The following MKRN2OS variants were observed in gnomAD, a reference collection of about 807,000 sequenced individuals.
MKRN2OS encodes the protein MKRN2 opposite strand protein.
A neutral mutation model predicts 18.2 loss-of-function variants in MKRN2OS; 17 were observed. The ratio of observed to expected loss-of-function variants is 0.93; its 90% CI spans 0.64 to 1.40. The LOEUF (loss-of-function observed/expected upper bound fraction) is 1.40, where lower values mean the gene tolerates loss of function less well. Among genes scored for constraint, MKRN2OS ranks in the 40% most tolerant of loss-of-function variants. MKRN2OS has a pLI of 0.00. For synonymous variants in MKRN2OS, 121 were observed against 108.5 expected (o/e 1.12, Z -0.72); for missense variants, 337 against 283.0 (o/e 1.19, Z -1.37).
intron 1 of MKRN2OS, among the ~76,000 whole-genome samples, chr3:12,555,388 C>A (rs1559384410): frequency 6.6e-6 from 1 of 150,692 alleles, no homozygotes; most frequent in East Asian, 1.9e-4. Context: ...AGTTAAAATG[C>A]AATATTCAAG....
chr3:12,546,574 G>A (rs868478716), upstream of MKRN2OS, among the ~76,000 whole-genome samples: 87 of 125,074 alleles, frequency 7.0e-4, no homozygotes, highest in Middle Eastern at 0.015. Flanking sequence ...GGGTACATGG[G>A]ATTTTTTTTT....
intron 1 of MKRN2OS, among the ~76,000 whole-genome samples, chr3:12,556,647 TG>T (rs1051020575): frequency 6.6e-6 from 1 of 151,470 alleles, no homozygotes; most frequent in African/African-American, 2.4e-5. Flanking sequence ...TTTCCTTAAG[TG>T]GGAGGCGAGG....
At chr3:12,553,066 A>T (rs1367720474), downstream of MKRN2OS, among the ~76,000 whole-genome samples, 1 of 151,732 alleles carries the variant, frequency 6.6e-6, no homozygotes, top group Non-Finnish European at 1.5e-5. Flanking sequence ...CTGCAGGCTG[A>T]GATGGCTTCC....
At chr3:12,559,191 A>C (rs1429757471) in intron 1 of MKRN2OS, among the ~76,000 whole-genome samples, 1 of 152,236 alleles carries the variant, frequency 6.6e-6, no homozygotes, top group African/African-American at 2.4e-5. Flanking sequence ...TGCCAAATAA[A>C]AAACATAACA....
intron 3 of MKRN2OS, among the ~76,000 whole-genome samples, chr3:12,541,270 C>T (rs1031452081): frequency 1.3e-5 from 2 of 152,102 alleles, no homozygotes; most frequent in African/African-American, 4.8e-5. Flanking sequence ...CTTGCCCAGG[C>T]TGGAGTGCAA....
chr3:12,546,575 ATTTTTTTTTTT>A (rs1160434615), upstream of MKRN2OS, among the ~76,000 whole-genome samples: 2 of 97,102 alleles, frequency 2.1e-5, no homozygotes, highest in African/African-American at 9.3e-5. Context: ...GGTACATGGG[ATTTTTTTTTTT>A]TTTTTTTTTT....
In MKRN2OS at chr3:12,540,716, A is replaced by G. The variant is rs114144728; in HGVS notation, c.432-283T>C. On this transcript the variant is annotated intron_variant, in intron 3 of 3. Coordinates refer to ENST00000564146, the MANE Select transcript of MKRN2OS (RefSeq NM_001195279.2). ...TGGTGAAACCCCGTCCCTACAAAAA[A>G]TACAAGTTAGCTGGGCATGGTGGTG... Among the ~76,000 whole-genome samples the G allele has an allele frequency of 2.8e-3, 427 of 152,106 alleles. 2 individuals are homozygous for G. The highest frequency in any genetic ancestry group is 9.9e-3 in the African/African-American group (410 of 41,484).
At chr3:12,547,628 G>A (rs535819594), upstream of MKRN2OS, among the ~76,000 whole-genome samples, 1 of 152,220 alleles carries the variant, frequency 6.6e-6, no homozygotes, top group East Asian at 1.9e-4. Flanking sequence ...CACAATATCA[G>A]TGATACAGGT....
At chr3:12,560,529 G>A (rs977405337) in intron 1 of MKRN2OS, among the ~76,000 whole-genome samples, 2 of 150,292 alleles carry the variant, frequency 1.3e-5, no homozygotes, top group Non-Finnish European at 1.5e-5. Context: ...CTGTATACTT[G>A]GAAGTGATTT....
At chr3:12,545,517 CATT>C, upstream of MKRN2OS, 1 of 1,335,996 alleles carries the variant, frequency 7.5e-7, no homozygotes, top group East Asian at 2.5e-5. Flanking sequence ...TCCTTTTCCT[CATT>C]ATACACCTGG....
rs2057820572 is a variant in MKRN2OS, at chr3:12,541,945, G to A, written c.346C>T (p.Leu116=). The change falls in exon 3 of 4, where the codon CTG becomes TTG. Residue 116 remains leucine (L), a synonymous_variant. Coordinates refer to ENST00000564146, the MANE Select transcript of MKRN2OS (RefSeq NM_001195279.2). ...ATCATTCCATACATGTTGGGCTGCA[G>A]TAATGGGATGCTTATGCTCTCTTCC... ...GWEESISIPL[L]QPNMYGMMEQ... The A allele has an allele frequency of 1.3e-6, 2 of 1,536,102 alleles. No homozygotes were observed. Among genetic ancestry groups the A allele is most frequent in the South Asian group, 1.2e-5 (1 of 84,056 alleles).
chr3:12,552,925 T>C (rs565214124), downstream of MKRN2OS, among the ~76,000 whole-genome samples: 1 of 150,364 alleles, frequency 6.7e-6, no homozygotes, highest in East Asian at 2.0e-4. Context: ...CCCCAGCTAC[T>C]TGAGGGGCTG....
intron 1 of MKRN2OS, among the ~76,000 whole-genome samples, chr3:12,555,291 G>A (rs972674853): frequency 2.6e-4 from 34 of 129,430 alleles, no homozygotes; most frequent in African/African-American, 1.1e-3. Flanking sequence ...CAGCCTGGGT[G>A]ACAGAGCAAG....
At chr3:12,550,052 A>G (rs1275008591), upstream of MKRN2OS, among the ~76,000 whole-genome samples, 1 of 152,214 alleles carries the variant, frequency 6.6e-6, no homozygotes, top group Non-Finnish European at 1.5e-5. Context: ...ACAAAACTCA[A>G]CAAACTCTTA....
chr3:12,542,070 C>G, intron 2 of MKRN2OS, 48 bp from the exon 3 acceptor site: 1 of 1,496,630 alleles, frequency 6.7e-7, no homozygotes, highest in Non-Finnish European at 8.9e-7. Flanking sequence ...AAACACACAC[C>G]TCTGTGAAAA....
chr3:12,555,251 G>A (rs745632747), intron 1 of MKRN2OS, among the ~76,000 whole-genome samples: 3 of 146,454 alleles, frequency 2.0e-5, no homozygotes, highest in Non-Finnish European at 3.0e-5. Context: ...GGTGGAGGTT[G>A]CAGTGAGCCA....
upstream of MKRN2OS, among the ~76,000 whole-genome samples, chr3:12,545,710 AT>A (rs2057876598): frequency 6.6e-6 from 1 of 152,216 alleles, no homozygotes; most frequent in Non-Finnish European, 1.5e-5. Flanking sequence ...GCCAGCTCCT[AT>A]TCATCCTTTA....
upstream of MKRN2OS, among the ~76,000 whole-genome samples, chr3:12,548,186 C>T (rs12636458): frequency 0.1 from 15,406 of 152,012 alleles, 1,356 homozygotes; most frequent in East Asian, 0.46. Flanking sequence ...CGGTGGCTCA[C>T]GCCTGTAACC....
At chr3:12,548,412 C>T (rs1156558085), upstream of MKRN2OS, among the ~76,000 whole-genome samples, 1 of 145,408 alleles carries the variant, frequency 6.9e-6, no homozygotes, top group Non-Finnish European at 1.5e-5. Flanking sequence ...CGCGCCACTG[C>T]ACTCCAGCCT....
Sources: gnomAD v4.1 joint callset for allele counts (sites outside exome capture counted in the v4.1 genomes callset) on GRCh38, gnomAD v4.1.1 for gene constraint, MANE v1.5 for transcripts, NCBI Gene and HGNC (gene_info 2026-07-23, HGNC 2026-07-21) for gene names.